The following PCDH11X variants were observed in gnomAD, a reference collection of about 807,000 sequenced individuals.
PCDH11X encodes protocadherin-11 X-linked.
A neutral mutation model predicts 53.3 loss-of-function variants in PCDH11X; 18 were observed. That is an observed-to-expected ratio of 0.34 (90% CI 0.23 to 0.50). The LOEUF (loss-of-function observed/expected upper bound fraction) is 0.50. Ranked by LOEUF, PCDH11X falls within the 20% of genes least tolerant of loss-of-function variation. The probability of loss-of-function intolerance (pLI) is 0.98; values close to 1 mark genes in which losing one functional copy is unlikely to be tolerated. For missense variants in PCDH11X, 570 were observed against 1,032.4 expected (o/e 0.55, Z 6.14); for synonymous variants, 279 against 393.3 (o/e 0.71, Z 3.44).
chrX:92,264,816 A>G (rs991918705), intron 8 of PCDH11X, among the ~76,000 whole-genome samples: 1 of 109,903 alleles, frequency 9.1e-6, no homozygotes. Context: ...TCAACATAAA[A>G]CAGTTCAACA....
chrX:92,135,261 T>G, intron 6 of PCDH11X, among the ~76,000 whole-genome samples: 1 of 111,511 alleles, frequency 9.0e-6, no homozygotes, highest in Non-Finnish European at 1.9e-5. Flanking sequence ...TATCCTACCT[T>G]CTGTTCCTCT....
intron 6 of PCDH11X, among the ~76,000 whole-genome samples, chrX:91,995,171 A>C (rs1302808760): frequency 9.4e-6 from 1 of 106,516 alleles, no homozygotes; most frequent in East Asian, 2.9e-4. Flanking sequence ...TGTAGTTCCA[A>C]TTGTTTATCT....
chrX:92,384,001 T>A (rs748894930), intron 8 of PCDH11X, among the ~76,000 whole-genome samples: 22 of 112,224 alleles, frequency 2.0e-4, no homozygotes, highest in African/African-American at 6.8e-4. Flanking sequence ...TTTCCTGACA[T>A]TTTAATGATC....
intron 9 of PCDH11X, among the ~76,000 whole-genome samples, chrX:92,466,320 A>T (rs58797293): frequency 0.46 from 49,965 of 109,029 alleles, 9,831 homozygotes; most frequent in African/African-American, 0.76. Context: ...AAAAATGTCA[A>T]TGATAAACCT....
At chrX:91,807,067 A>C (rs1454861859) in intron 1 of PCDH11X, among the ~76,000 whole-genome samples, 10 of 109,040 alleles carry the variant, frequency 9.2e-5, no homozygotes, top group Non-Finnish European at 1.1e-4. Context: ...GGTTGGACAC[A>C]GTGGCTGAAA....
intron 7 of PCDH11X, among the ~76,000 whole-genome samples, chrX:92,226,650 A>C (rs2066976605): frequency 9.0e-6 from 1 of 111,225 alleles, no homozygotes; most frequent in African/African-American, 3.3e-5. Context: ...TTTGGGGAAG[A>C]TGTTTGGGTT....
At chrX:92,294,141 C>T (rs185073983) in intron 8 of PCDH11X, among the ~76,000 whole-genome samples, 1,788 of 109,645 alleles carry the variant, frequency 0.016, 28 homozygotes, top group Non-Finnish European at 0.027. Context: ...TTTATTCATT[C>T]ATTTATTTAT....
intron 10 of PCDH11X, among the ~76,000 whole-genome samples, chrX:92,598,102 T>C (rs1925827550): frequency 9.0e-6 from 1 of 111,470 alleles, no homozygotes; most frequent in Admixed American, 9.6e-5. Context: ...AAGGAAACAT[T>C]TGAAAAATGC....
chrX:92,121,905 T>A (rs1412396467), intron 6 of PCDH11X, among the ~76,000 whole-genome samples: 1 of 108,506 alleles, frequency 9.2e-6, no homozygotes, highest in Non-Finnish European at 1.9e-5. Context: ...TTTGTATTTT[T>A]AGTAGAGATG....
intron 6 of PCDH11X, among the ~76,000 whole-genome samples, chrX:91,930,589 GA>G (rs72053464): frequency 0.39 from 39,762 of 102,134 alleles, 6,163 homozygotes; most frequent in East Asian, 0.61. Flanking sequence ...TTCTTTCTCA[GA>G]AAAAAAAAAC....
intron 7 of PCDH11X, among the ~76,000 whole-genome samples, chrX:92,203,594 G>A (rs2066428087): frequency 1.8e-5 from 2 of 112,225 alleles, no homozygotes; most frequent in African/African-American, 3.2e-5. Context: ...ATCAAGACAG[G>A]AGAATTACAA....
chrX:92,506,353 G>A (rs1420327232), intron 10 of PCDH11X, among the ~76,000 whole-genome samples: 7 of 101,577 alleles, frequency 6.9e-5, no homozygotes, highest in Non-Finnish European at 1.0e-4. Context: ...TGCTCAATTA[G>A]TATGATGTTG....
intron 6 of PCDH11X, among the ~76,000 whole-genome samples, chrX:92,159,344 AT>A (rs913066095): frequency 1.8e-5 from 2 of 108,631 alleles, no homozygotes; most frequent in Non-Finnish European, 3.8e-5. Flanking sequence ...ATATAAAAAA[AT>A]ATTCTACATA....
intron 1 of PCDH11X, among the ~76,000 whole-genome samples, chrX:91,782,965 G>A (rs1935208385): frequency 9.0e-6 from 1 of 111,661 alleles, no homozygotes; most frequent in African/African-American, 3.3e-5. Flanking sequence ...GGCAGAGGCA[G>A]GGCGTGTAGA....
rs761872570 is a variant in PCDH11X, at chrX:91,795,662, G to A, written c.-378-13804G>A. On this transcript the variant is annotated intron_variant, in intron 1 of 10. Coordinates refer to ENST00000682573, the MANE Select transcript of PCDH11X (RefSeq NM_032968.5). ...ATTTACCTTCTTGAATGTTAGGGACGTCTCCTACATGAGGTTTTATGCTAC... is the reference window on the plus strand; with the variant it reads ...ATTTACCTTCTTGAATGTTAGGGACATCTCCTACATGAGGTTTTATGCTAC... Among the ~76,000 whole-genome samples the A allele has an allele frequency of 4.5e-5, 5 of 110,620 alleles. No individual in the cohort carries two copies. In the East Asian group the frequency reaches 1.1e-3, roughly 25 times the overall value.
At chrX:91,992,821 G>A (rs1252369453) in intron 6 of PCDH11X, among the ~76,000 whole-genome samples, 3 of 111,525 alleles carry the variant, frequency 2.7e-5, no homozygotes, top group African/African-American at 9.8e-5. Flanking sequence ...GTCAACTGAA[G>A]CTAAGTTTAA....
At chrX:92,377,539 A>G (rs1261808799) in intron 8 of PCDH11X, among the ~76,000 whole-genome samples, 2 of 110,912 alleles carry the variant, frequency 1.8e-5, no homozygotes, top group African/African-American at 6.5e-5. Flanking sequence ...ACACAAGCAT[A>G]TAATCTGAAA....
At chrX:92,063,773 T>C (rs772426829) in intron 6 of PCDH11X, among the ~76,000 whole-genome samples, 1 of 111,342 alleles carries the variant, frequency 9.0e-6, no homozygotes, top group South Asian at 3.8e-4. Flanking sequence ...TGATATAAGG[T>C]TGATTCAGTT....
chrX:92,209,828 T>C (rs2148333903), intron 7 of PCDH11X, among the ~76,000 whole-genome samples: 1 of 112,417 alleles, frequency 8.9e-6, no homozygotes, highest in South Asian at 3.6e-4. Flanking sequence ...GGTTTTTCCA[T>C]ACATCCTCTG....
Sources: allele counts gnomAD v4.1 joint callset (sites outside exome capture counted in the v4.1 genomes callset), GRCh38; gene constraint gnomAD v4.1.1; transcripts MANE v1.5; gene names NCBI Gene and HGNC (gene_info 2026-07-23, HGNC 2026-07-21).